LRP1B: variants seen among roughly 807,000 people sequenced by gnomAD.
LRP1B encodes low-density lipoprotein receptor-related protein 1B.
In LRP1B, 217 loss-of-function variants were observed where a neutral mutation model predicts 556.6. The ratio of observed to expected loss-of-function variants is 0.39; its 90% CI spans 0.35 to 0.44. The LOEUF is 0.44. Among genes scored for constraint, LRP1B ranks in the 20% least tolerant of loss-of-function variants. The pLI is 1.00. For missense variants in LRP1B, 5,053 were observed against 5,620.8 expected (o/e 0.90, Z 3.23); for synonymous variants, 2,047 against 1,865.8 (o/e 1.10, Z -2.50).
intron 2 of LRP1B, among the ~76,000 whole-genome samples, chr2:141,553,907 GTTATATAATA>G (rs1685855475): frequency 2.2e-5 from 3 of 133,894 alleles, no homozygotes; most frequent in Non-Finnish European, 3.1e-5. Flanking sequence ...TATTAATATA[GTTATATAATA>G]TATCTATATT....
intron 1 of LRP1B, among the ~76,000 whole-genome samples, chr2:141,992,550 A>C (rs1481583617): frequency 6.6e-6 from 1 of 152,130 alleles, no homozygotes; most frequent in Non-Finnish European, 1.5e-5. Context: ...GTTACAGAAA[A>C]ATACATATAA....
At chr2:141,453,509 T>A (rs955806620) in intron 3 of LRP1B, among the ~76,000 whole-genome samples, 6 of 152,180 alleles carry the variant, frequency 3.9e-5, no homozygotes, top group Non-Finnish European at 5.9e-5. Flanking sequence ...ATGCAACAAA[T>A]GCCTATTCAG....
At chr2:141,198,869 C>A (rs1675508625) in intron 6 of LRP1B, among the ~76,000 whole-genome samples, 1 of 152,162 alleles carries the variant, frequency 6.6e-6, no homozygotes, top group Admixed American at 6.5e-5. Flanking sequence ...CCCCAATTCA[C>A]CACATATTCA....
At chr2:141,238,359 T>A (rs1393149952) in intron 5 of LRP1B, among the ~76,000 whole-genome samples, 1 of 152,154 alleles carries the variant, frequency 6.6e-6, no homozygotes, top group Non-Finnish European at 1.5e-5. Context: ...CATTTGAAAA[T>A]TGCTTCTAAG....
intron 3 of LRP1B, among the ~76,000 whole-genome samples, chr2:141,469,966 T>A (rs1682398074): frequency 1.3e-5 from 2 of 152,172 alleles, no homozygotes. Flanking sequence ...ATTTTATGAT[T>A]ATTGATGTTA....
chr2:140,651,052 A>C (rs1684664873), intron 41 of LRP1B, among the ~76,000 whole-genome samples: 1 of 152,100 alleles, frequency 6.6e-6, no homozygotes, highest in Admixed American at 6.6e-5. Context: ...GTACATGTAC[A>C]AGTATCACTC....
intron 2 of LRP1B, among the ~76,000 whole-genome samples, chr2:141,778,633 G>A (rs547823931): frequency 6.6e-6 from 1 of 152,260 alleles, no homozygotes; most frequent in South Asian, 2.1e-4. Context: ...TGTGTAATAC[G>A]TTTCAAAACA....
chr2:141,235,624 A>G (rs962972139), intron 5 of LRP1B, among the ~76,000 whole-genome samples: 1 of 152,048 alleles, frequency 6.6e-6, no homozygotes, highest in African/African-American at 2.4e-5. Context: ...TTGAGGAGAG[A>G]TTGACCTCAG....
intron 7 of LRP1B, among the ~76,000 whole-genome samples, chr2:141,162,476 C>G (rs937017420): frequency 6.6e-6 from 1 of 151,996 alleles, no homozygotes; most frequent in Non-Finnish European, 1.5e-5. Flanking sequence ...ACAAGGGAAC[C>G]AATGTGAGCC....
intron 2 of LRP1B, among the ~76,000 whole-genome samples, chr2:141,719,224 A>G (rs940433155): frequency 1.3e-5 from 2 of 152,168 alleles, no homozygotes; most frequent in African/African-American, 4.8e-5. Context: ...TAGAAGGAGC[A>G]CTTTCAACAG....
chr2:140,770,789 G>A (rs73961489), intron 34 of LRP1B, 92 bp downstream of exon 34: 48,063 of 1,081,824 alleles, frequency 0.044, 1,668 homozygotes, highest in Admixed American at 0.15. Flanking sequence ...TTTTTCTAAT[G>A]TTTAACTGAC....
chr2:140,517,143 T>C, intron 49 of LRP1B, 132 bp from the exon 50 acceptor site: 1 of 654,316 alleles, frequency 1.5e-6, no homozygotes, highest in Admixed American at 2.9e-5. Flanking sequence ...GATTTTCTCC[T>C]AAAGAATGTC....
At chr2:140,955,047 G>A (rs1466795493) in intron 18 of LRP1B, among the ~76,000 whole-genome samples, 1 of 151,878 alleles carries the variant, frequency 6.6e-6, no homozygotes, top group Non-Finnish European at 1.5e-5. Flanking sequence ...CAGACTTCTG[G>A]TTTATAATCT....
chr2:140,665,242 T>C lies in LRP1B; in HGVS notation c.6799+35008A>G, dbSNP rs371335720. Among the ~76,000 whole-genome samples, 28 of 152,298 alleles carry C rather than the reference T, an allele frequency of 1.8e-4. No homozygotes were observed. In the East Asian group the frequency reaches 4.8e-3, roughly 26 times the overall value. ...GAAATTTGGACGAAGTTGTCAAATA[T>C]TTTTTTCTCCTTTGACACCTAAAAT... On this transcript the variant is annotated intron_variant, in intron 41 of 90. Coordinates refer to ENST00000389484, the MANE Select transcript of LRP1B (RefSeq NM_018557.3).
chr2:140,363,180 A>G (rs1259568913), intron 72 of LRP1B, among the ~76,000 whole-genome samples: 1 of 151,656 alleles, frequency 6.6e-6, no homozygotes, highest in East Asian at 1.9e-4. Flanking sequence ...CCAGAATAAG[A>G]TCTCCTTGTC....
rs2104967679 is a variant in LRP1B at position 140,525,927 on chromosome 2, G to A, written c.7943C>T (p.Ser2648Phe). 6.2e-7 allele frequency: 1 copy of A among 1,612,368 alleles called. No individual in the cohort carries two copies. Among genetic ancestry groups the A allele is most frequent in the Non-Finnish European group, 8.5e-7 (1 of 1,178,876 alleles). Reference sequence around the variant, plus strand: ...GGTTGGCAGAACACACAGTGAGGTAGAATTACATCTTATGAACCCTGTGGT... The same window carrying A: ...GGTTGGCAGAACACACAGTGAGGTAAAATTACATCTTATGAACCCTGTGGT... ...VKTTGFIRCN[S>F]TSLCVLPTWI... The change falls in exon 49 of 91, where the codon TCT (serine) becomes TTT (phenylalanine). Residue 2648 changes from serine to phenylalanine, a missense_variant. Around this residue, in one of 5 missense-constraint regions of LRP1B, gnomAD observed 3,619 missense variants for 3,931.9 expected, o/e 0.92. Coordinates refer to ENST00000389484, the MANE Select transcript of LRP1B (RefSeq NM_018557.3).
intron 49 of LRP1B, among the ~76,000 whole-genome samples, chr2:140,517,650 G>A (rs936312946): frequency 2.7e-5 from 4 of 150,794 alleles, no homozygotes; most frequent in Admixed American, 2.6e-4. Flanking sequence ...TTTAAATTAT[G>A]GAGTATTATC....
chr2:140,908,152 T>C (rs536904619), intron 21 of LRP1B, 75 bp from the exon 22 acceptor site: 1 of 1,137,554 alleles, frequency 8.8e-7, no homozygotes, highest in Non-Finnish European at 1.3e-6. Context: ...CATTATTGTC[T>C]TCAGTCACAG....
chr2:140,966,739 C>A (rs1696234823), intron 18 of LRP1B, among the ~76,000 whole-genome samples: 1 of 152,136 alleles, frequency 6.6e-6, no homozygotes, highest in South Asian at 2.1e-4. Flanking sequence ...AGGAAGGGAT[C>A]CCGTTTCAGC....
Sources: gnomAD v4.1 joint callset for allele counts (sites outside exome capture counted in the v4.1 genomes callset) on GRCh38, gnomAD v4.1.1 for gene constraint, gnomAD v4.1.1 regional missense constraint, MANE v1.5 for transcripts, NCBI Gene and HGNC (gene_info 2026-07-23, HGNC 2026-07-21) for gene names.